ASB15: variants seen among roughly 807,000 people sequenced by gnomAD.
The protein encoded by ASB15 is ankyrin repeat and SOCS box containing 15.
In ASB15, 54 loss-of-function variants were observed where a neutral mutation model predicts 58.0. The ratio of observed to expected loss-of-function variants is 0.93; its 90% confidence interval spans 0.75 to 1.17. The LOEUF is 1.17. ASB15 is among the 50% of genes most tolerant of loss of function. The pLI, the probability that ASB15 is intolerant of heterozygous loss-of-function variation, is 0.00. For synonymous variants in ASB15, 249 were observed against 262.4 expected, an observed-to-expected ratio of 0.95 and a Z score of 0.50; for missense variants, 680 against 707.4, an observed-to-expected ratio of 0.96 and a Z score of 0.44.
chr7:123,612,728 G>A (rs1469939724), intron 3 of ASB15, among the ~76,000 whole-genome samples: 2 of 152,138 alleles, frequency 1.3e-5, no homozygotes, highest in Non-Finnish European at 2.9e-5. Flanking sequence ...GAAATGGTCA[G>A]TTCTAAGAAC....
chr7:123,622,148 T>A (rs1801371763), intron 7 of ASB15, among the ~76,000 whole-genome samples: 1 of 152,162 alleles, frequency 6.6e-6, no homozygotes, highest in Non-Finnish European at 1.5e-5. Context: ...CCTAAACTCT[T>A]CAACTTAAAG....
intron 11 of ASB15, among the ~76,000 whole-genome samples, chr7:123,633,161 T>C (rs948171718): frequency 3.3e-5 from 5 of 152,144 alleles, no homozygotes; most frequent in African/African-American, 1.2e-4. Flanking sequence ...TGAGGACTAG[T>C]ATTAAACAAG....
chr7:123,578,724 G>A (rs1270241310), intron 1 of ASB15, among the ~76,000 whole-genome samples: 4 of 152,056 alleles, frequency 2.6e-5, no homozygotes, highest in Non-Finnish European at 5.9e-5. Flanking sequence ...TGAATGCACG[G>A]TTAGAATTTT....
intron 1 of ASB15, among the ~76,000 whole-genome samples, chr7:123,582,700 A>G (rs1420672246): frequency 2.6e-5 from 4 of 151,890 alleles, no homozygotes; most frequent in Admixed American, 2.6e-4. Flanking sequence ...TCAAGACTTT[A>G]TATCGTCTAA....
intron 3 of ASB15, among the ~76,000 whole-genome samples, chr7:123,612,935 G>C (rs1313167793): frequency 6.6e-6 from 1 of 152,030 alleles, no homozygotes; most frequent in Non-Finnish European, 1.5e-5. Context: ...AAATTAAAAA[G>C]CAAAATACCA....
At chr7:123,603,125 T>G (rs1447197649) in intron 1 of ASB15, among the ~76,000 whole-genome samples, 1 of 152,190 alleles carries the variant, frequency 6.6e-6, no homozygotes, top group Admixed American at 6.5e-5. Context: ...GCTATGTGCT[T>G]TACTGTGTGC....
In ASB15 at chr7:123,624,203, T is replaced by A. The variant is rs568381509; in HGVS notation, c.452-366T>A. ...TGTACTAGGTACTACACTGAGAATT[T>A]TACATACATTATTTAATTTGTACAA... On this transcript the variant is annotated intron_variant, in intron 7 of 11. Transcript: ENST00000451215. Among the ~76,000 whole-genome samples, 4 of 152,272 alleles carry A rather than the reference T, an allele frequency of 2.6e-5. No homozygotes were observed. The South Asian group carries it at 8.3e-4, about 32-fold the overall frequency.
At chr7:123,587,343 T>A (rs1799403904) in intron 1 of ASB15, among the ~76,000 whole-genome samples, 1 of 151,720 alleles carries the variant, frequency 6.6e-6, no homozygotes, top group African/African-American at 2.4e-5. Flanking sequence ...ATTTTTCTGA[T>A]ATTTTATTGT....
chr7:123,626,693 C>G (rs1801811255), intron 8 of ASB15, among the ~76,000 whole-genome samples: 1 of 152,088 alleles, frequency 6.6e-6, no homozygotes, highest in Non-Finnish European at 1.5e-5. Context: ...TTTTTAAGTA[C>G]TAACCAGAAA....
At chr7:123,575,326 C>T (rs1009599725) in intron 1 of ASB15, among the ~76,000 whole-genome samples, 5 of 152,026 alleles carry the variant, frequency 3.3e-5, no homozygotes, top group African/African-American at 7.2e-5. Context: ...AGTAAAACAC[C>T]GCCTTTCTTA....
At chr7:123,592,413 T>A (rs543252047) in intron 1 of ASB15, among the ~76,000 whole-genome samples, 1 of 152,346 alleles carries the variant, frequency 6.6e-6, no homozygotes, top group East Asian at 1.9e-4. Flanking sequence ...CTTTCTCTTG[T>A]GGGCATTTAG....
rs553478914 is a variant in ASB15 at position 123,595,718 on chromosome 7, A to T, written c.-442-8314A>T. The stretch of plus-strand genomic sequence containing the variant: ...ACTGGTGAGAATCCCACATTCATCT[A>T]CTTCTCTGGATCCTACCATTCTTGA... On this transcript the variant is annotated intron_variant, in intron 1 of 13. Coordinates refer to the ASB15 transcript ENST00000451558. Among the ~76,000 whole-genome samples the T allele has an allele frequency of 1.3e-4, 20 of 152,302 alleles. No individual in the cohort carries two copies. The South Asian group carries it at 3.7e-3, about 28-fold the overall frequency.
At chr7:123,602,667 C>T (rs1799944980) in intron 1 of ASB15, among the ~76,000 whole-genome samples, 1 of 152,132 alleles carries the variant, frequency 6.6e-6, no homozygotes, top group African/African-American at 2.4e-5. Flanking sequence ...ATTTTATCTT[C>T]AAATAGAAAT....
intron 5 of ASB15, 45 bp downstream of exon 5, chr7:123,616,318 C>T: frequency 6.2e-7 from 1 of 1,609,804 alleles, no homozygotes; most frequent in Non-Finnish European, 8.5e-7. Flanking sequence ...GGAGATTCCA[C>T]CTTGCAAAAA....
intron 3 of ASB15, chr7:123,614,298 G>A (rs1584777762): frequency 2.1e-6 from 1 of 468,546 alleles, no homozygotes; most frequent in Admixed American, 4.3e-5. Context: ...GTCATTAAAG[G>A]TTTCAACAGT....
Position 123,629,132 on chromosome 7 carries a change from C to T in ASB15, c.1138C>T (p.Pro380Ser). ...LAAGADPNLD[P>S]LNCLLVAVRA... ...TGCAGGTGCAGACCCAAACTTAGAT[C>T]CCCTCAACTGTCTACTTGTTGCAGT... The change falls in exon 10 of 12, where the codon CCC becomes TCC. Residue 380 changes from proline (P) to serine (S), a missense_variant. Coordinates refer to ENST00000451215, the MANE Select transcript of ASB15 (RefSeq NM_001290258.2). 6.2e-7 allele frequency: 1 copy of T among 1,614,114 alleles called. No individual in the cohort carries two copies. Among genetic ancestry groups the T allele is most frequent in the Non-Finnish European group, 8.5e-7 (1 of 1,179,958 alleles).
chr7:123,568,818 C>G (rs1798829530), intron 1 of ASB15, among the ~76,000 whole-genome samples: 1 of 151,722 alleles, frequency 6.6e-6, no homozygotes, highest in East Asian at 1.9e-4. Flanking sequence ...AAATGAATAC[C>G]TTAACATAAT....
intron 3 of ASB15, among the ~76,000 whole-genome samples, chr7:123,609,510 C>G (rs952781869): frequency 1.3e-5 from 2 of 152,116 alleles, no homozygotes; most frequent in African/African-American, 4.8e-5. Flanking sequence ...TTCCTTGCAC[C>G]ATGGAAGCAA....
At chr7:123,628,191 A>G (rs1342766087) in intron 9 of ASB15, among the ~76,000 whole-genome samples, 1 of 138,584 alleles carries the variant, frequency 7.2e-6, no homozygotes, top group Non-Finnish European at 1.6e-5. Flanking sequence ...GGAATACTAA[A>G]GACTCTTCTT....
Sources: gnomAD v4.1 joint callset for allele counts (sites outside exome capture counted in the v4.1 genomes callset) on GRCh38, gnomAD v4.1.1 for gene constraint, MANE v1.5 for transcripts, NCBI Gene and HGNC (gene_info 2026-07-23, HGNC 2026-07-21) for gene names.